Variants in MYO3B observed in about 807,000 individuals in gnomAD.
MYO3B encodes myosin-IIIb.
Under a neutral mutation model 174.6 loss-of-function variants are expected in MYO3B, and 156 were observed. The observed-to-expected ratio is 0.89, with a 90% CI of 0.78 to 1.02. The LOEUF (loss-of-function observed/expected upper bound fraction) is 1.02. Ranked by LOEUF, MYO3B falls within the 50% of genes least tolerant of loss-of-function variation. The pLI is 0.00. For missense variants in MYO3B, 1,632 were observed against 1,639.4 expected (o/e 1.00, Z 0.08); for synonymous variants, 563 against 569.1 (o/e 0.99, Z 0.15).
intron 22 of MYO3B, among the ~76,000 whole-genome samples, chr2:170,432,263 A>T (rs1017423320): frequency 2.6e-5 from 4 of 152,212 alleles, no homozygotes; most frequent in African/African-American, 9.6e-5. Context: ...ATTGCCCCAT[A>T]GACCTTACAG....
At chr2:170,443,890 C>G in intron 22 of MYO3B, 77 bp from the exon 23 acceptor site, 4 of 1,294,598 alleles carry the variant, frequency 3.1e-6, no homozygotes, top group Non-Finnish European at 4.3e-6. Flanking sequence ...AATACAAGGA[C>G]CCAAAGGGAA....
intron 7 of MYO3B, among the ~76,000 whole-genome samples, chr2:170,256,866 C>T (rs1313564151): frequency 1.3e-5 from 2 of 152,096 alleles, no homozygotes; most frequent in African/African-American, 4.8e-5. Flanking sequence ...AGACCTATCT[C>T]CCCTGTAATG....
At chr2:170,583,918 C>A (rs1364954745) in intron 32 of MYO3B, among the ~76,000 whole-genome samples, 1 of 152,140 alleles carries the variant, frequency 6.6e-6, no homozygotes, top group African/African-American at 2.4e-5. Flanking sequence ...AAAAATTAAA[C>A]CTCAGAAAGC....
intron 32 of MYO3B, among the ~76,000 whole-genome samples, chr2:170,636,383 A>G (rs1020897075): frequency 6.6e-6 from 1 of 151,286 alleles, no homozygotes; most frequent in African/African-American, 2.4e-5. Flanking sequence ...TTGAAAAGAA[A>G]AGATCTCCAT....
chr2:170,383,889 C>T (rs913718446), intron 12 of MYO3B, 75 bp downstream of exon 12: 4 of 1,207,226 alleles, frequency 3.3e-6, no homozygotes, highest in Non-Finnish European at 4.9e-6. Flanking sequence ...ACTCCTAAGT[C>T]TTCCTGAAAC....
intron 1 of MYO3B, among the ~76,000 whole-genome samples, chr2:170,185,899 T>C (rs185326040): frequency 6.6e-6 from 1 of 152,298 alleles, no homozygotes; most frequent in Non-Finnish European, 1.5e-5. Flanking sequence ...TTTGTAGCTA[T>C]TGCAAATGGG....
intron 12 of MYO3B, among the ~76,000 whole-genome samples, chr2:170,385,654 C>T (rs2094368660): frequency 6.6e-6 from 1 of 152,014 alleles, no homozygotes; most frequent in Admixed American, 6.6e-5. Flanking sequence ...GGAAGGAGGC[C>T]TCATTCATAA....
chr2:170,516,102 T>C (rs1688289778), intron 29 of MYO3B, among the ~76,000 whole-genome samples: 1 of 152,126 alleles, frequency 6.6e-6, no homozygotes, highest in Non-Finnish European at 1.5e-5. Flanking sequence ...TCCAAAGATG[T>C]GTTATGCTTG....
intron 32 of MYO3B, among the ~76,000 whole-genome samples, chr2:170,621,980 A>G (rs1575268491): frequency 2.0e-5 from 3 of 152,318 alleles, no homozygotes; most frequent in African/African-American, 2.4e-5. Context: ...TTTGCATACA[A>G]CTGACCCTCA....
intron 8 of MYO3B, among the ~76,000 whole-genome samples, chr2:170,339,652 A>AT (rs2093965674): frequency 1.3e-5 from 2 of 152,182 alleles, no homozygotes; most frequent in South Asian, 2.1e-4. Flanking sequence ...AGTAAGAGAG[A>AT]TTTTTTAAAA....
At chr2:170,627,969 T>G (rs529375416) in intron 32 of MYO3B, among the ~76,000 whole-genome samples, 177 of 152,106 alleles carry the variant, frequency 1.2e-3, no homozygotes, top group African/African-American at 4.1e-3. Flanking sequence ...TACTGGGGGG[T>G]GCCTCCCAGT....
chr2:170,328,305 A>G (rs2093884321), intron 7 of MYO3B, among the ~76,000 whole-genome samples: 1 of 152,146 alleles, frequency 6.6e-6, no homozygotes, highest in South Asian at 2.1e-4. Context: ...TGCAAGTGGA[A>G]CCCAGCAATA....
chr2:170,518,394 A>T (rs906880334), intron 29 of MYO3B, among the ~76,000 whole-genome samples: 2 of 152,188 alleles, frequency 1.3e-5, no homozygotes, highest in African/African-American at 4.8e-5. Flanking sequence ...TAAAATAAGG[A>T]TGGCAAATAG....
At chr2:170,646,613 C>T (rs1270519534) in intron 32 of MYO3B, among the ~76,000 whole-genome samples, 2 of 152,126 alleles carry the variant, frequency 1.3e-5, no homozygotes, top group East Asian at 3.9e-4. Flanking sequence ...CTGGGCTGCT[C>T]TCGAACTCCT....
At chr2:170,582,575 C>T (rs1020525665) in intron 32 of MYO3B, among the ~76,000 whole-genome samples, 6 of 152,132 alleles carry the variant, frequency 3.9e-5, no homozygotes, top group African/African-American at 1.2e-4. Flanking sequence ...GAAGAAATCC[C>T]GTTTCCTTCA....
chr2:170,180,577 T>A (rs913183964), intron 1 of MYO3B, among the ~76,000 whole-genome samples: 1 of 152,188 alleles, frequency 6.6e-6, no homozygotes, highest in African/African-American at 2.4e-5. Flanking sequence ...AGAGATCTCT[T>A]ATATGTTTTT....
intron 32 of MYO3B, among the ~76,000 whole-genome samples, chr2:170,550,632 C>A (rs530528713): frequency 6.6e-6 from 1 of 152,230 alleles, no homozygotes; most frequent in South Asian, 2.1e-4. Flanking sequence ...AACCACAGGG[C>A]CAGGAAATGA....
intron 32 of MYO3B, among the ~76,000 whole-genome samples, chr2:170,568,232 G>T (rs930798119): frequency 6.6e-6 from 1 of 152,208 alleles, no homozygotes; most frequent in Non-Finnish European, 1.5e-5. Context: ...GTTATCTTAT[G>T]TCTAAATAAA....
chr2:170,497,677 G>C (rs1010650251), intron 25 of MYO3B, among the ~76,000 whole-genome samples: 2 of 151,994 alleles, frequency 1.3e-5, no homozygotes, highest in African/African-American at 4.8e-5. Context: ...CCTCATGAAG[G>C]CTCCTGTGTC....
Sources: gnomAD v4.1 joint callset for allele counts (sites outside exome capture counted in the v4.1 genomes callset) on GRCh38, gnomAD v4.1.1 for gene constraint, MANE v1.5 for transcripts, NCBI Gene and HGNC (gene_info 2026-07-23, HGNC 2026-07-21) for gene names.